Variants in PHF21A observed in about 807,000 individuals in gnomAD.
The protein encoded by PHF21A is BHC80a.
Under a neutral mutation model 82.5 loss-of-function variants are expected in PHF21A, and 11 were observed. That is an observed-to-expected ratio of 0.13 (90% confidence interval 0.08 to 0.22). The LOEUF (loss-of-function observed/expected upper bound fraction) is 0.22, where lower values mean the gene tolerates loss of function less well. PHF21A is among the 10% of genes least tolerant of loss of function. PHF21A has a pLI of 1.00. For missense variants in PHF21A, 579 were observed against 837.8 expected (o/e 0.69, Z 3.81); for synonymous variants, 297 against 302.8 (o/e 0.98, Z 0.20).
chr11:46,049,851 C>T (rs965591363), intron 6 of PHF21A, among the ~76,000 whole-genome samples: 2 of 144 alleles, frequency 0.014, no homozygotes, highest in African/African-American at 0.033. Flanking sequence ...TTCCTAAAAA[C>T]AACGTTAAGA....
intron 15 of PHF21A, among the ~76,000 whole-genome samples, chr11:45,942,175 A>G (rs2090476562): frequency 6.6e-6 from 1 of 152,224 alleles, no homozygotes. Flanking sequence ...AGTTCTTTAG[A>G]AAAGCTTTCT....
chr11:46,031,886 GTTAGCAGAAGCATTA>G (rs2095873191), intron 6 of PHF21A, among the ~76,000 whole-genome samples: 1 of 152,174 alleles, frequency 6.6e-6, no homozygotes, highest in East Asian at 1.9e-4. Flanking sequence ...CTTGATTAAA[GTTAGCAGAAGCATTA>G]TCAGGTACAA....
rs1484462047 is a variant in PHF21A, at chr11:46,114,579, AT to A, written c.-237+6355del. Among the ~76,000 whole-genome samples the A allele has an allele frequency of 1.5e-4, 23 of 152,330 alleles. 1 individual carries two copies. ...GCTTCGTCAATACAACATACTGTCC[AT>A]AAGGCCAGAGATAGCAGTTGCCATG... On this transcript the variant is annotated intron_variant, in intron 1 of 18. Coordinates refer to ENST00000676320, the MANE Select transcript of PHF21A (RefSeq NM_001352027.3).
intron 1 of PHF21A, among the ~76,000 whole-genome samples, 168 bp from the exon 2 acceptor site, chr11:46,092,391 T>C (rs1330301125): frequency 6.6e-6 from 1 of 152,170 alleles, no homozygotes; most frequent in East Asian, 1.9e-4. Context: ...ATAGGTAATT[T>C]TTACAGCAAA....
intron 6 of PHF21A, among the ~76,000 whole-genome samples, chr11:46,035,556 T>A (rs2095981285): frequency 6.6e-6 from 1 of 152,160 alleles, no homozygotes; most frequent in African/African-American, 2.4e-5. Flanking sequence ...GAGAGACAAA[T>A]CATTATGATA....
chr11:46,076,941 A>G, intron 5 of PHF21A, 122 bp from the exon 6 acceptor site: 1 of 731,302 alleles, frequency 1.4e-6, no homozygotes, highest in African/African-American at 1.7e-5. Flanking sequence ...AGCCAATCAA[A>G]TCTGTCATGC....
chr11:46,010,971 T>C lies in PHF21A; in HGVS notation c.154-31005A>G, dbSNP rs1565524869. ...CTCCTCTGTATAAAAAACTTTCTCT[T>C]TCTCTCTCTCTCTCACACACACACA... On this transcript the variant is annotated intron_variant, in intron 6 of 18. Transcript: ENST00000676320. Among the ~76,000 whole-genome samples the C allele has an allele frequency of 5.9e-5, 9 of 151,410 alleles. No homozygotes were observed. In the South Asian group the frequency reaches 1.9e-3, roughly 32 times the overall value.
chr11:45,990,865 C>T (rs762811035), intron 6 of PHF21A, among the ~76,000 whole-genome samples: 8 of 152,124 alleles, frequency 5.3e-5, no homozygotes, highest in Non-Finnish European at 8.8e-5. Context: ...TTGTTACAAT[C>T]GAACCTACAC....
At chr11:45,935,399 C>A (rs547258534) in intron 18 of PHF21A, 9 of 737,114 alleles carry the variant, frequency 1.2e-5, no homozygotes, top group South Asian at 1.2e-4. Context: ...AATCCTCTCT[C>A]TGATTAAAGC....
chr11:46,063,186 G>A (rs1219488428), intron 6 of PHF21A, among the ~76,000 whole-genome samples: 1 of 152,174 alleles, frequency 6.6e-6, no homozygotes, highest in Non-Finnish European at 1.5e-5. Context: ...ATTCGCCGGG[G>A]GGGCTGGCAT....
At chr11:46,035,601 T>A (rs1592286198) in intron 6 of PHF21A, among the ~76,000 whole-genome samples, 2 of 152,202 alleles carry the variant, frequency 1.3e-5, no homozygotes, top group East Asian at 3.8e-4. Flanking sequence ...GGGAATAAGG[T>A]ACACTAGGGT....
chr11:46,098,209 A>G (rs1398774827), intron 1 of PHF21A, among the ~76,000 whole-genome samples: 2 of 152,364 alleles, frequency 1.3e-5, no homozygotes, highest in East Asian at 1.9e-4. Context: ...TAGACTGTAC[A>G]TAAATAAATG....
chr11:45,968,803 G>A (rs984888946), intron 9 of PHF21A, among the ~76,000 whole-genome samples: 5 of 151,892 alleles, frequency 3.3e-5, no homozygotes, highest in Admixed American at 6.6e-5. Context: ...GGTGGCACAT[G>A]CATGTAATCC....
At chr11:46,077,430 A>C (rs2096739633) in intron 5 of PHF21A, among the ~76,000 whole-genome samples, 2 of 152,252 alleles carry the variant, frequency 1.3e-5, no homozygotes, top group South Asian at 4.1e-4. Flanking sequence ...TGAGATACAC[A>C]GAGCATGATT....
At chr11:46,094,362 C>T (rs747183580) in intron 1 of PHF21A, among the ~76,000 whole-genome samples, 23 of 152,032 alleles carry the variant, frequency 1.5e-4, no homozygotes, top group Non-Finnish European at 2.6e-4. Flanking sequence ...AAATCAAACC[C>T]GGAAAAGTTA....
chr11:45,949,142 G>C (rs920626994), intron 13 of PHF21A, among the ~76,000 whole-genome samples, 196 bp from the exon 14 acceptor site: 1 of 152,194 alleles, frequency 6.6e-6, no homozygotes, highest in African/African-American at 2.4e-5. Context: ...GCCTGCCTCT[G>C]TTGCCGATGA....
intron 4 of PHF21A, 109 bp from the exon 5 acceptor site, chr11:46,079,275 G>A: frequency 1.4e-6 from 1 of 703,162 alleles, no homozygotes; most frequent in South Asian, 2.0e-5. Flanking sequence ...AAAAAAAAGA[G>A]CAACACCACA....
intron 6 of PHF21A, among the ~76,000 whole-genome samples, chr11:45,982,429 A>T (rs114366237): frequency 0.025 from 3,750 of 152,260 alleles, 123 homozygotes; most frequent in African/African-American, 0.073. Flanking sequence ...CTTTGCAGAA[A>T]CTATCTGCAG....
intron 10 of PHF21A, among the ~76,000 whole-genome samples, chr11:45,955,925 T>C (rs1353389531): frequency 6.6e-6 from 1 of 152,196 alleles, no homozygotes; most frequent in Non-Finnish European, 1.5e-5. Flanking sequence ...AGCCTTAAAA[T>C]TACTGCAGCT....
Sources: gnomAD v4.1 joint callset for allele counts (sites outside exome capture counted in the v4.1 genomes callset) on GRCh38, gnomAD v4.1.1 for gene constraint, MANE v1.5 for transcripts, NCBI Gene and HGNC (gene_info 2026-07-23, HGNC 2026-07-21) for gene names.